The following DNHD1 variants were observed in gnomAD, a reference collection of about 807,000 sequenced individuals.
The protein encoded by DNHD1 is dynein heavy chain domain 1, also known as dynein heavy chain domain-containing protein 1.
In DNHD1, 383 loss-of-function variants were observed where a neutral mutation model predicts 458.1. That is an observed-to-expected ratio of 0.84 (90% CI 0.77 to 0.91). The LOEUF (loss-of-function observed/expected upper bound fraction) is 0.91, where lower values mean the gene tolerates loss of function less well. DNHD1 is among the 40% of genes least tolerant of loss of function. The pLI is 0.00. For synonymous variants in DNHD1, 2,203 were observed against 2,376.9 expected (o/e 0.93, Z 2.13); for missense variants, 5,336 against 5,866.1 (o/e 0.91, Z 2.95).
chr11:6,566,820 G>A (rs1485679255), intron 35 of DNHD1, 55 bp downstream of exon 35: 7 of 1,598,808 alleles, frequency 4.4e-6, no homozygotes, highest in Non-Finnish European at 5.1e-6. Flanking sequence ...ACCTGGGTAA[G>A]GGGGTGGAGA....
chr11:6,499,072 G>A (rs1589862659), intron 3 of DNHD1, 111 bp downstream of exon 3: 1 of 1,275,626 alleles, frequency 7.8e-7, no homozygotes, highest in Non-Finnish European at 1.1e-6. Flanking sequence ...TTATCACAGG[G>A]ATTAGCCCAA....
At position 6,519,661 on chromosome 11, in the gene DNHD1, G is replaced by A. The variant is rs759584195; in HGVS notation, c.1454G>A (p.Arg485Lys). Residue 485 changes from arginine to lysine, a missense_variant, in exon 8 of 43, where the codon AGG (arginine) becomes AAG (lysine). Arg to Lys is a conservative substitution (Grantham distance 26). Around this residue, in one of 4 missense-constraint regions of DNHD1, gnomAD observed 3,932 missense variants for 4,365.6 expected, o/e 0.90. Transcript: ENST00000254579. ...CAGGAGCGAGTACAAAACTGTGACAGGATCAGGACAGGCCAAGGCTCCATA... is the reference window on the plus strand; with the variant it reads ...CAGGAGCGAGTACAAAACTGTGACAAGATCAGGACAGGCCAAGGCTCCATA... ...CLQERVQNCD[R>K]IRTGQGSIYL... 1.1e-5 allele frequency: 18 copies of A among 1,614,068 alleles called. No individual in the cohort carries two copies. In the Admixed American group the frequency reaches 3.0e-4, roughly 27 times the overall value.
chr11:6,497,968 C>T lies in DNHD1; in HGVS notation c.-248C>T, dbSNP rs1030792071. The T allele has an allele frequency of 1.8e-6, 1 of 556,270 alleles. No homozygotes were observed. Among genetic ancestry groups the T allele is most frequent in the African/African-American group, 1.9e-5 (1 of 53,142 alleles). 34.5% of individuals were successfully genotyped at this position (556,270 alleles called of 1,614,324 possible). A position where few individuals can be genotyped will look rare whatever the true frequency, so the allele number is the denominator to read the frequency against. ...AGCAGTAGGGAGGGCCTGAGGGTCT[C>T]AGGAAAGGCTCTCTGCTGGTCTGGC... On this transcript the variant is annotated 5_prime_UTR_variant, in exon 3 of 43. Coordinates refer to ENST00000254579, the MANE Select transcript of DNHD1 (RefSeq NM_144666.3).
intron 37 of DNHD1, 27 bp from the exon 38 acceptor site, chr11:6,568,427 T>C (rs1589899327): frequency 6.2e-7 from 1 of 1,611,638 alleles, no homozygotes; most frequent in Non-Finnish European, 8.5e-7. Context: ...ATCCAAGGAC[T>C]GATCTCAGAC....
At chr11:6,552,966 T>G (rs1853392753) in intron 24 of DNHD1, among the ~76,000 whole-genome samples, 1 of 152,228 alleles carries the variant, frequency 6.6e-6, no homozygotes, top group African/African-American at 2.4e-5. Context: ...GTTATACAGT[T>G]GAATTATATC....
chr11:6,507,909 A>G (rs978853074), intron 4 of DNHD1, among the ~76,000 whole-genome samples: 2 of 152,222 alleles, frequency 1.3e-5, no homozygotes, highest in Non-Finnish European at 2.9e-5. Flanking sequence ...GACTTGACTT[A>G]GTGTGTCCAT....
rs1853852843 is a variant in DNHD1 at position 6,571,565 on chromosome 11, G to A, written c.13912-71G>A. 6.1e-6 allele frequency: 9 copies of A among 1,466,892 alleles called. No individual in the cohort carries two copies. Among genetic ancestry groups the A allele is most frequent in the East Asian group, 5.0e-5 (2 of 40,218 alleles). 90.9% of individuals were successfully genotyped at this position (1,466,892 alleles called of 1,614,324 possible). A position where few individuals can be genotyped will look rare whatever the true frequency, so the allele number is the denominator to read the frequency against. On this transcript the variant is annotated intron_variant, in intron 42 of 42. Coordinates refer to ENST00000254579, the MANE Select transcript of DNHD1 (RefSeq NM_144666.3). The surrounding 1 kb of genome is among the most constrained non-coding windows in gnomAD (Gnocchi z 5.0). ...CTCGCTTCACCACGACCTCCTACCC[G>A]CTAACCCCCACTTCCCACCTGCCAC... is the stretch of plus-strand genomic sequence containing the variant.
At position 6,564,410 on chromosome 11, in the gene DNHD1, C is replaced by T. The variant is rs770724712; in HGVS notation, c.10362C>T (p.Phe3454=). The T allele has an allele frequency of 1.5e-5, 24 of 1,551,596 alleles. No homozygotes were observed. The Admixed American group carries it at 2.5e-4, about 16-fold the overall frequency. Residue 3454 remains phenylalanine (F), a synonymous_variant, in exon 32 of 43, where the codon TTC becomes TTT. Coordinates refer to ENST00000254579, the MANE Select transcript of DNHD1 (RefSeq NM_144666.3). The part of the protein sequence containing the change: ...CSAAIIYLGP[F]PPLRRQELLD... ...CTGCCATCATCTACCTGGGTCCCTT[C>T]CCACCATTGCGGCGCCAAGAGCTAC... is the stretch of plus-strand genomic sequence containing the variant.
Position 6,557,284 on chromosome 11 carries a change from G to T in DNHD1, c.7989G>T (p.Arg2663Ser). 5.8e-6 allele frequency: 9 copies of T among 1,551,542 alleles called. No individual in the cohort carries two copies. Among genetic ancestry groups the T allele is most frequent in the Non-Finnish European group, 7.8e-6 (9 of 1,146,990 alleles). Residue 2663 changes from arginine to serine, a missense_variant, in exon 25 of 43, where the codon AGG (arginine) becomes AGT (serine). By Grantham distance (110) the Arg-to-Ser change is moderately radical. Around this residue, in one of 4 missense-constraint regions of DNHD1, gnomAD observed 3,932 missense variants for 4,365.6 expected, o/e 0.90. Coordinates refer to ENST00000254579, the MANE Select transcript of DNHD1 (RefSeq NM_144666.3). ...TTTGCGACCGGCTGGACAGCCCCAGGGAACGCTCCTACTGTGCCAAGCTGC... is the reference window on the plus strand; with the variant it reads ...TTTGCGACCGGCTGGACAGCCCCAGTGAACGCTCCTACTGTGCCAAGCTGC... The part of the protein sequence containing the change: ...RTFCDRLDSP[R>S]ERSYCAKLLL...
In DNHD1 at chr11:6,562,683, C is replaced by A. The variant is rs7113574; in HGVS notation, c.9520-299C>A. Among the ~76,000 whole-genome samples, 1,492 of 152,282 alleles carry A rather than the reference C, an allele frequency of 9.8e-3. 15 individuals are homozygous for A. The highest frequency in any genetic ancestry group is 0.058 in the South Asian group (281 of 4,822). On this transcript the variant is annotated intron_variant, in intron 28 of 42. Transcript: ENST00000254579. ...AGGGAACTGTCTTCTGTGACAACTG[C>A]TGCTAATGGGTCAACTAAAATATAG...
chr11:6,497,995 C>G lies in DNHD1; in HGVS notation c.-221C>G, dbSNP rs530410328. On this transcript the variant is annotated 5_prime_UTR_variant, in exon 3 of 43. Coordinates refer to ENST00000254579, the MANE Select transcript of DNHD1 (RefSeq NM_144666.3). ...GGAAAGGCTCTCTGCTGGTCTGGCT[C>G]TGCTCTGTAGCTCCATCTATTTCCC... The G allele has an allele frequency of 5.0e-4, 312 of 622,704 alleles. 1 individual carries two copies. Among genetic ancestry groups the G allele is most frequent in the Non-Finnish European group, 2.9e-4 (104 of 357,730 alleles). The allele number at this position is 622,704 out of a possible 1,614,324, so 38.6% of individuals were successfully genotyped here.
intron 18 of DNHD1, among the ~76,000 whole-genome samples, chr11:6,541,966 T>C (rs1853104778): frequency 6.6e-6 from 1 of 152,230 alleles, no homozygotes; most frequent in South Asian, 2.1e-4. Flanking sequence ...ATGTAGGTCC[T>C]TTCCATTCTA....
Position 6,545,332 on chromosome 11 carries a change from G to A in DNHD1, c.4393G>A (p.Gly1465Ser), listed in dbSNP as rs373777025. The A allele has an allele frequency of 6.4e-7, 1 of 1,551,774 alleles. No individual in the cohort carries two copies. The highest frequency in any genetic ancestry group is 8.7e-7 in the Non-Finnish European group (1 of 1,147,018). Residue 1465 changes from glycine to serine, a missense_variant, in exon 21 of 43, where the codon GGC (glycine) becomes AGC (serine). Around this residue, in one of 4 missense-constraint regions of DNHD1, gnomAD observed 3,932 missense variants for 4,365.6 expected, o/e 0.90. Transcript: ENST00000254579. The surrounding 1 kb of genome is among the most constrained non-coding windows in gnomAD (Gnocchi z 4.9). ...LRLALVHMLQ[G>S]CVAARLARGP... is the part of the protein sequence containing the mutation. ...CTTGGCACTGGTGCACATGCTGCAG[G>A]GCTGTGTGGCTGCTCGCCTTGCTCG...
Position 6,556,952 on chromosome 11 carries a change from G to A in DNHD1, c.7657G>A (p.Val2553Met). 1 of 1,551,728 alleles carries A rather than the reference G, an allele frequency of 6.4e-7. No homozygotes were observed. Among genetic ancestry groups the A allele is most frequent in the Non-Finnish European group, 8.7e-7 (1 of 1,147,010 alleles). The change falls in exon 25 of 43, where the codon GTG (valine) becomes ATG (methionine). Residue 2553 changes from valine (V) to methionine (M), a missense_variant. Val to Met is a conservative substitution (Grantham distance 21). Around this residue, in one of 4 missense-constraint regions of DNHD1, gnomAD observed 3,932 missense variants for 4,365.6 expected, o/e 0.90. Transcript: ENST00000254579. ...IQAWLERFPS[V>M]ERERALARGL... ...GGCTTGGCTTGAGCGTTTCCCTTCT[G>A]TGGAACGGGAGCGTGCTCTGGCACG...
In DNHD1 at chr11:6,544,067, C is replaced by A. The variant is rs78041271; in HGVS notation, c.3629-54C>A. 1,514 of 1,547,248 alleles carry A rather than the reference C, an allele frequency of 9.8e-4. 10 individuals are homozygous for A. The African/African-American group carries it at 0.018, about 19-fold the overall frequency. ...GTTCCCCTGGTCTCCTCTTCTCTCC[C>A]CCAGCCCCGGCCCTTGCCTCATCTG... On this transcript the variant is annotated intron_variant, in intron 18 of 42. Transcript: ENST00000254579.
chr11:6,564,041 C>T lies in DNHD1; in HGVS notation c.10201C>T (p.Gln3401Ter), dbSNP rs1330108533. Residue 3401 changes from glutamine to a stop codon, truncating the protein, a stop_gained, in exon 31 of 43, where the codon CAA becomes TAA. Transcript: ENST00000254579. LOFTEE classifies it high-confidence loss of function. ...CAACTGCGTGGCAAAGACCCTCAGT[C>T]AAGCACAGTGTGGGCAGTATCACAA... ...SHNCVAKTLSQAQCGQYHKWP... is the reference protein window; with the variant it reads ...SHNCVAKTLS 6.4e-7 allele frequency: 1 copy of T among 1,551,724 alleles called. No homozygotes were observed. The highest frequency in any genetic ancestry group is 1.2e-5 in the South Asian group (1 of 84,056).
rs371902803 is a variant in DNHD1 at position 6,570,811 on chromosome 11, G to C, written c.13299G>C (p.Gln4433His). 2.9e-5 allele frequency: 47 copies of C among 1,613,938 alleles called. No homozygotes were observed. The highest frequency in any genetic ancestry group is 1.6e-4 in the Middle Eastern group (1 of 6,062). ...TTCCTGAGTCTCGAAGAGGCGCCCA[G>C]CTTGCGGAAAGGCGACTGCGGCAAC... ...VWVPESRRGA[Q>H]LAERRLRQRL... The change falls in exon 42 of 43, where the codon CAG (glutamine) becomes CAC (histidine). Residue 4433 changes from glutamine to histidine, a missense_variant. Gln to His is a conservative substitution (Grantham distance 24). This residue lies in a region of DNHD1 where 698 missense variants were observed against 664.9 expected (regional missense o/e 1.05). Coordinates refer to ENST00000254579, the MANE Select transcript of DNHD1 (RefSeq NM_144666.3).
At chr11:6,555,708 A>T (rs1853447754) in intron 24 of DNHD1, among the ~76,000 whole-genome samples, 1 of 152,232 alleles carries the variant, frequency 6.6e-6, no homozygotes, top group Admixed American at 6.5e-5. Flanking sequence ...TACATACCGT[A>T]TGATTCTATT....
chr11:6,498,858 C>A lies in DNHD1; in HGVS notation c.643C>A (p.Leu215Ile). The stretch of plus-strand genomic sequence containing the variant: ...AGAAGAGGCTGTGTGGCTGGATGGA[C>A]TTAGTCTCCTTCCCTTGGCACTGGC... The part of the protein sequence containing the change: ...ALEEAVWLDG[L>I]SLLPLALAAD... Residue 215 changes from leucine (L) to isoleucine (I), a missense_variant, in exon 3 of 43, where the codon CTT becomes ATT. Transcript: ENST00000254579. 6.2e-7 allele frequency: 1 copy of A among 1,614,250 alleles called. No homozygotes were observed. Among genetic ancestry groups the A allele is most frequent in the Non-Finnish European group, 8.5e-7 (1 of 1,180,042 alleles).
Sources: gnomAD v4.1 joint callset for allele counts (sites outside exome capture counted in the v4.1 genomes callset) on GRCh38, gnomAD v4.1.1 for gene constraint, gnomAD v4.1.1 regional missense constraint, Gnocchi (gnomAD v3.1) non-coding constraint, MANE v1.5 for transcripts, NCBI Gene and HGNC (gene_info 2026-07-23, HGNC 2026-07-21) for gene names.